TMTC1: variants seen among roughly 807,000 people sequenced by gnomAD.
TMTC1 encodes the protein protein O-mannosyl-transferase TMTC1.
In TMTC1, 73 loss-of-function variants were observed where a neutral mutation model predicts 104.8. The observed-to-expected ratio is 0.70, with a 90% CI of 0.58 to 0.85. The LOEUF (loss-of-function observed/expected upper bound fraction) is 0.85. Among genes scored for constraint, TMTC1 ranks in the 40% least tolerant of loss-of-function variants. The pLI, the probability that TMTC1 is intolerant of heterozygous loss-of-function variation, is 0.00. For synonymous variants in TMTC1, 434 were observed against 428.7 expected, an observed-to-expected ratio of 1.01 and a Z score of -0.15; for missense variants, 1,035 against 1,096.1, an observed-to-expected ratio of 0.94 and a Z score of 0.79.
intron 6 of TMTC1, among the ~76,000 whole-genome samples, chr12:29,624,100 C>T (rs573489434): frequency 6.6e-6 from 1 of 152,160 alleles, no homozygotes; most frequent in South Asian, 2.1e-4. Flanking sequence ...CTGCCTCAGC[C>T]TCCTGAGTAT....
chr12:29,584,313 C>G (rs1384578100), intron 7 of TMTC1, among the ~76,000 whole-genome samples: 2 of 152,200 alleles, frequency 1.3e-5, no homozygotes, highest in Admixed American at 1.3e-4. Context: ...GAGATACTTT[C>G]TGCCTGCCAC....
intron 6 of TMTC1, among the ~76,000 whole-genome samples, chr12:29,613,404 G>T (rs908588103): frequency 4.6e-5 from 7 of 152,186 alleles, no homozygotes; most frequent in African/African-American, 1.4e-4. Context: ...TGTCTGAGGA[G>T]GGGGTGGAGA....
At chr12:29,641,480 G>A (rs897186010) in intron 5 of TMTC1, among the ~76,000 whole-genome samples, 4 of 152,142 alleles carry the variant, frequency 2.6e-5, no homozygotes, top group Admixed American at 1.3e-4. Flanking sequence ...GCTAGATCCA[G>A]AAGAGAGACA....
At chr12:29,656,707 A>T (rs539000611) in intron 5 of TMTC1, among the ~76,000 whole-genome samples, 1 of 152,252 alleles carries the variant, frequency 6.6e-6, no homozygotes, top group Non-Finnish European at 1.5e-5. Context: ...AGTCGCTTGG[A>T]TGGACTGATT....
At chr12:29,611,101 A>G (rs1263427941) in intron 6 of TMTC1, among the ~76,000 whole-genome samples, 2 of 152,186 alleles carry the variant, frequency 1.3e-5, no homozygotes, top group East Asian at 3.8e-4. Context: ...ACTAATGAAC[A>G]GAGCACCGAA....
rs34769239 is a variant in TMTC1 at position 29,592,660 on chromosome 12, C to T, written c.1251-9086G>A. ...CAGGGCTCTGGCATCAGGAAAGCCT[C>T]GGTTTGCATGTCCACCCTGACACTG... is the stretch of plus-strand genomic sequence containing the variant. On this transcript the variant is annotated intron_variant, in intron 7 of 17. Transcript: ENST00000539277. Among the ~76,000 whole-genome samples the T allele has an allele frequency of 9.6e-3, 1,466 of 152,232 alleles. 15 individuals are homozygous for T. Among genetic ancestry groups the T allele is most frequent in the South Asian group, 0.037 (176 of 4,816 alleles).
At chr12:29,668,272 T>C (rs77272165) in intron 5 of TMTC1, among the ~76,000 whole-genome samples, 1,526 of 152,244 alleles carry the variant, frequency 0.01, 33 homozygotes, top group African/African-American at 0.035. Context: ...GCCTTCTTGC[T>C]GCATCCTCGC....
chr12:29,784,717 C>G (rs1200541857), upstream of TMTC1: 2 of 152,014 alleles, frequency 1.3e-5, no homozygotes, highest in Non-Finnish European at 2.9e-5. Flanking sequence ...ATTGTTTGCT[C>G]AAGATAATTT....
intron 7 of TMTC1, among the ~76,000 whole-genome samples, chr12:29,602,872 T>G (rs1208709670): frequency 2.6e-5 from 4 of 152,136 alleles, no homozygotes; most frequent in Non-Finnish European, 5.9e-5. Flanking sequence ...AGGGGCTCTA[T>G]GAATATCTAT....
chr12:29,585,341 C>T (rs1019248954), intron 7 of TMTC1, among the ~76,000 whole-genome samples: 1 of 152,044 alleles, frequency 6.6e-6, no homozygotes, highest in Non-Finnish European at 1.5e-5. Context: ...TGGATATTAG[C>T]CCTTTGTCAG....
At chr12:29,617,827 C>A (rs1212271291) in intron 6 of TMTC1, among the ~76,000 whole-genome samples, 1 of 152,012 alleles carries the variant, frequency 6.6e-6, no homozygotes, top group African/African-American at 2.4e-5. Context: ...TTGGATGGGA[C>A]CAGCACATGT....
chr12:29,685,221 A>T (rs1385151865), intron 5 of TMTC1, among the ~76,000 whole-genome samples: 4 of 152,090 alleles, frequency 2.6e-5, no homozygotes, highest in Non-Finnish European at 5.9e-5. Flanking sequence ...TGCCACAAAG[A>T]TTAAAAAAAA....
intron 5 of TMTC1, among the ~76,000 whole-genome samples, chr12:29,702,855 C>T (rs1941636765): frequency 6.6e-6 from 1 of 152,106 alleles, no homozygotes; most frequent in African/African-American, 2.4e-5. Context: ...ATAAAAAATA[C>T]AAACTGAGGC....
At chr12:29,516,244 T>C in intron 15 of TMTC1, 105 bp downstream of exon 15, 1 of 1,400,186 alleles carries the variant, frequency 7.1e-7, no homozygotes, top group Non-Finnish European at 9.6e-7. Context: ...ACGGATAAGA[T>C]TTAAGATTTC....
chr12:29,760,937 T>G (rs1943331919), intron 2 of TMTC1, among the ~76,000 whole-genome samples: 1 of 148,126 alleles, frequency 6.8e-6, no homozygotes, highest in Non-Finnish European at 1.5e-5. Flanking sequence ...TTATTCATTC[T>G]GCATTTGCAT....
intron 7 of TMTC1, among the ~76,000 whole-genome samples, chr12:29,591,756 T>G (rs1386984958): frequency 1.3e-5 from 2 of 152,190 alleles, no homozygotes; most frequent in African/African-American, 2.4e-5. Context: ...CGAAGAGAAT[T>G]TAATAGGAAA....
At chr12:29,671,518 C>T (rs1409356206) in intron 5 of TMTC1, among the ~76,000 whole-genome samples, 3 of 152,160 alleles carry the variant, frequency 2.0e-5, no homozygotes, top group Non-Finnish European at 2.9e-5. Flanking sequence ...TGAGTGCATA[C>T]TGTGCGACAG....
At chr12:29,695,793 T>TTATACATATATATATATATA (rs1941401627) in intron 5 of TMTC1, among the ~76,000 whole-genome samples, 1 of 83,764 alleles carries the variant, frequency 1.2e-5, no homozygotes, top group Non-Finnish European at 2.7e-5. Context: ...TACTTCCTTT[T>TTATACATATATATATATATA]TATATATATA....
chr12:29,593,323 C>T (rs1242191441), intron 7 of TMTC1, among the ~76,000 whole-genome samples: 1 of 152,134 alleles, frequency 6.6e-6, no homozygotes, highest in East Asian at 1.9e-4. Context: ...GTACCAAATG[C>T]AGTGTTTTTG....
Sources: allele counts gnomAD v4.1 joint callset (sites outside exome capture counted in the v4.1 genomes callset), GRCh38; gene constraint gnomAD v4.1.1; transcripts MANE v1.5; gene names NCBI Gene and HGNC (gene_info 2026-07-23, HGNC 2026-07-21).